The following SLC4A9 variants were observed in gnomAD, a reference collection of about 807,000 sequenced individuals.
SLC4A9 encodes anion exchange protein 4.
A neutral mutation model predicts 103.2 loss-of-function variants in SLC4A9; 102 were observed. The ratio of observed to expected loss-of-function variants is 0.99; its 90% CI spans 0.84 to 1.17. The LOEUF is 1.17. Ranked by LOEUF, SLC4A9 falls within the 50% of genes most tolerant of loss-of-function variation. The pLI, the probability that SLC4A9 is intolerant of heterozygous loss-of-function variation, is 0.00. For synonymous variants in SLC4A9, 453 were observed against 483.6 expected, an observed-to-expected ratio of 0.94 and a Z score of 0.83; for missense variants, 1,091 against 1,193.7, an observed-to-expected ratio of 0.91 and a Z score of 1.27.
chr5:140,371,143 G>GC lies in SLC4A9; in HGVS notation c.2477dup (p.Ala827SerfsTer9). 1 of 1,611,192 alleles carries GC rather than the reference G, an allele frequency of 6.2e-7. No homozygotes were observed. The highest frequency in any genetic ancestry group is 8.5e-7 in the Non-Finnish European group (1 of 1,178,628). The stretch of plus-strand genomic sequence containing the variant: ...TGGCATCTTCCTGTATATGGGGGTG[G>GC]CAGCGCTCAGCAGCATTCAGGTGAG... On this transcript the variant is annotated frameshift_variant, in exon 18 of 22. Coordinates refer to ENST00000506757, the MANE Select transcript of SLC4A9 (RefSeq NM_031467.3). LOFTEE classifies it high-confidence loss of function.
chr5:140,368,761 G>A, intron 17 of SLC4A9, 102 bp downstream of exon 17: 1 of 972,082 alleles, frequency 1.0e-6, no homozygotes, highest in South Asian at 1.7e-5. Flanking sequence ...CAGGTGCTCT[G>A]TTAAGTTTTC....
intron 14 of SLC4A9, among the ~76,000 whole-genome samples, chr5:140,366,911 T>C (rs1767973853): frequency 6.6e-6 from 1 of 152,192 alleles, no homozygotes; most frequent in African/African-American, 2.4e-5. Context: ...GCCTTTGCAT[T>C]TGGAGACCTC....
rs756557165 is a variant in SLC4A9, at chr5:140,363,747, C to T, written c.1099C>T (p.Gln367Ter). 6.2e-7 allele frequency: 1 copy of T among 1,613,766 alleles called. No homozygotes were observed. The highest frequency in any genetic ancestry group is 8.5e-7 in the Non-Finnish European group (1 of 1,179,828). ...CGGGAGGCTGTTTGGGGGCCTTATC[C>T]AGGACGTGCGCAGGAAGGTCCCGTG... ...RTGRLFGGLI[Q>*]DVRRKVPWYP... The change falls in exon 9 of 22, where the codon CAG (glutamine) becomes TAG (stop). Residue 367 changes from glutamine to a stop codon, truncating the protein, a stop_gained. Coordinates refer to ENST00000506757, the MANE Select transcript of SLC4A9 (RefSeq NM_031467.3). LOFTEE classifies it high-confidence loss of function. The surrounding 1 kb of genome is among the most constrained non-coding windows in gnomAD (Gnocchi z 4.5).
At chr5:140,367,374 T>C in intron 14 of SLC4A9, 46 bp from the exon 15 acceptor site, 1 of 1,591,100 alleles carries the variant, frequency 6.3e-7, no homozygotes, top group Non-Finnish European at 8.5e-7. Context: ...GGTGAGATGC[T>C]CTTGGGAGAC....
Position 140,363,718 on chromosome 5 carries a change from C to T in SLC4A9, c.1080-10C>T, listed in dbSNP as rs769662965. ...GAAAACCTGGATCACTGACGACCCT[C>T]GGGCGGGAGGCTGTTTGGGGGCCTT... On this transcript the variant is annotated splice_polypyrimidine_tract_variant and intron_variant, in intron 8 of 21. Coordinates refer to ENST00000506757, the MANE Select transcript of SLC4A9 (RefSeq NM_031467.3). This position sits in a 1 kb window ranked among gnomAD's most constrained non-coding sequence, Gnocchi z 4.5. 1.9e-6 allele frequency: 3 copies of T among 1,612,820 alleles called. No individual in the cohort carries two copies. Among genetic ancestry groups the T allele is most frequent in the South Asian group, 2.2e-5 (2 of 90,996 alleles).
At position 140,361,288 on chromosome 5, in the gene SLC4A9, G is replaced by T; in HGVS notation, c.426G>T (p.Glu142Asp). The T allele has an allele frequency of 6.4e-7, 1 of 1,571,806 alleles. No homozygotes were observed. ...QVTRVESLSPELRGQLQALLL... is the reference protein window; with the variant it reads ...QVTRVESLSPDLRGQLQALLL... ...CCAGGGTGGAGTCGCTGAGCCCAGAGCTGAGAGGGCAGTTGCAGGCCTTGC... is the reference window on the plus strand; with the variant it reads ...CCAGGGTGGAGTCGCTGAGCCCAGATCTGAGAGGGCAGTTGCAGGCCTTGC... Residue 142 changes from glutamate (E) to aspartate (D), a missense_variant, in exon 3 of 22, where the codon GAG (glutamate) becomes GAT (aspartate). Transcript: ENST00000506757.
Position 140,360,961 on chromosome 5 carries a change from T to C in SLC4A9, c.380T>C (p.Leu127Pro). Residue 127 changes from leucine to proline, a missense_variant, in exon 2 of 22, where the codon CTG becomes CCG. Leu to Pro is a moderately conservative substitution (Grantham distance 98, BLOSUM62 -3). Coordinates refer to ENST00000506757, the MANE Select transcript of SLC4A9 (RefSeq NM_031467.3). ...CTGGACTGCCCAGCTCAGAGCCTCC[T>C]GGAGCTCGTGGGTAGGCTGGGATCC... Reference protein sequence around the residue: ...VLLDCPAQSLLELVEQVTRVE... With the variant: ...VLLDCPAQSLPELVEQVTRVE... The C allele has an allele frequency of 1.3e-6, 2 of 1,581,514 alleles. No homozygotes were observed. Among genetic ancestry groups the C allele is most frequent in the Non-Finnish European group, 1.7e-6 (2 of 1,163,442 alleles).
At position 140,371,554 on chromosome 5, in the gene SLC4A9, T is replaced by C. The variant is rs780166068; in HGVS notation, c.2600T>C (p.Ile867Thr). The part of the protein sequence containing the change: ...PLTRVHLFTA[I>T]QLACLGLLWI... ...ACCAGGGTCCACCTCTTCACAGCCA[T>C]CCAGCTTGCCTGTCTGGGGCTGCTT... The change falls in exon 19 of 22, where the codon ATC becomes ACC. Residue 867 changes from isoleucine to threonine, a missense_variant. Physicochemically the swap from Ile to Thr is moderately conservative, Grantham distance 89 (BLOSUM62 -1). Coordinates refer to ENST00000506757, the MANE Select transcript of SLC4A9 (RefSeq NM_031467.3). 6.2e-7 allele frequency: 1 copy of C among 1,614,044 alleles called. No homozygotes were observed. Among genetic ancestry groups the C allele is most frequent in the Non-Finnish European group, 8.5e-7 (1 of 1,179,894 alleles).
chr5:140,364,401 T>C lies in SLC4A9; in HGVS notation c.1427T>C (p.Val476Ala). Reference protein sequence around the residue: ...SLDYLPFRLWVGIWVATFCLV... With the variant: ...SLDYLPFRLWAGIWVATFCLV... ...GACTACCTGCCCTTCCGCCTATGGG[T>C]GGGCATCTGGGTGGCTACCTTTTGC... Residue 476 changes from valine to alanine, a missense_variant, in exon 11 of 22, where the codon GTG becomes GCG. By Grantham distance (64) the Val-to-Ala change is moderately conservative. Transcript: ENST00000506757. 6.2e-7 allele frequency: 1 copy of C among 1,613,510 alleles called. No individual in the cohort carries two copies. The highest frequency in any genetic ancestry group is 8.5e-7 in the Non-Finnish European group (1 of 1,179,852).
Position 140,361,350 on chromosome 5 carries a change from G to T in SLC4A9, c.488G>T (p.Gly163Val). The part of the protein sequence containing the change: ...QRPQHYNQTT[G>V]TRPCWGSTHP... Reference sequence around the variant, plus strand: ...CCCCAGCATTACAACCAGACCACAGGCACCAGGCCCTGCTGGGGTGAGAGC... The same window carrying T: ...CCCCAGCATTACAACCAGACCACAGTCACCAGGCCCTGCTGGGGTGAGAGC... The change falls in exon 3 of 22, where the codon GGC (glycine) becomes GTC (valine). Residue 163 changes from glycine (G) to valine (V), a missense_variant. Coordinates refer to ENST00000506757, the MANE Select transcript of SLC4A9 (RefSeq NM_031467.3). The T allele has an allele frequency of 6.4e-7, 1 of 1,558,218 alleles. No homozygotes were observed. The highest frequency in any genetic ancestry group is 8.7e-7 in the Non-Finnish European group (1 of 1,150,790).
chr5:140,362,604 A>C (rs991299752), intron 6 of SLC4A9, 72 bp downstream of exon 6: 2 of 1,411,784 alleles, frequency 1.4e-6, no homozygotes. Flanking sequence ...ACATGCATAC[A>C]TGCATGGGCT....
chr5:140,362,671 C>A, intron 6 of SLC4A9, 139 bp downstream of exon 6: 1 of 1,024,522 alleles, frequency 9.8e-7, no homozygotes, highest in Non-Finnish European at 1.5e-6. Flanking sequence ...CAATGAGGCA[C>A]AGTGAGCACT....
At chr5:140,366,719 A>C (rs1767943928) in intron 14 of SLC4A9, among the ~76,000 whole-genome samples, 1 of 152,220 alleles carries the variant, frequency 6.6e-6, no homozygotes, top group Non-Finnish European at 1.5e-5. Context: ...CCAAGTCCTC[A>C]ATAAATGTTA....
At position 140,362,922 on chromosome 5, in the gene SLC4A9, GGTCAGTTC is replaced by G. The variant is rs1207588799; in HGVS notation, c.822_829del (p.Val275GlyfsTer6). 6.2e-7 allele frequency: 1 copy of G among 1,613,952 alleles called. No homozygotes were observed. Among genetic ancestry groups the G allele is most frequent in the South Asian group, 1.1e-5 (1 of 91,082 alleles). On this transcript the variant is annotated frameshift_variant, in exon 7 of 22. Coordinates refer to ENST00000506757, the MANE Select transcript of SLC4A9 (RefSeq NM_031467.3). LOFTEE classifies it high-confidence loss of function. ...TGCCCCCATTCCCAGCAATTCCAGT[GGTCAGTTC>G]GTCGGGCCAGCAACCTTCATGACCT...
chr5:140,371,050 GT>G, intron 17 of SLC4A9, 44 bp from the exon 18 acceptor site: 1 of 1,568,642 alleles, frequency 6.4e-7, no homozygotes, highest in Non-Finnish European at 8.7e-7. Flanking sequence ...CATCTGGGAG[GT>G]TGGCAGAGGT....
intron 14 of SLC4A9, among the ~76,000 whole-genome samples, chr5:140,366,743 C>T (rs924989755): frequency 6.6e-6 from 1 of 152,216 alleles, no homozygotes; most frequent in Non-Finnish European, 1.5e-5. Flanking sequence ...ATTATTGTTA[C>T]GGGATTGCCC....
At chr5:140,370,426 C>T (rs897322475) in intron 17 of SLC4A9, among the ~76,000 whole-genome samples, 2 of 147,520 alleles carry the variant, frequency 1.4e-5, no homozygotes, top group Non-Finnish European at 3.0e-5. Context: ...GATCAAGCCA[C>T]ATCACTCCAG....
intron 14 of SLC4A9, 59 bp downstream of exon 14, chr5:140,366,323 G>A (rs1561601659): frequency 4.9e-6 from 6 of 1,218,818 alleles, no homozygotes; most frequent in Non-Finnish European, 6.9e-6. Context: ...AGCAGACCAT[G>A]GGGAAGGAAA....
At chr5:140,370,039 A>G (rs1005704470) in intron 17 of SLC4A9, among the ~76,000 whole-genome samples, 3 of 152,092 alleles carry the variant, frequency 2.0e-5, no homozygotes, top group Admixed American at 2.0e-4. Context: ...AAAAAACAGA[A>G]AACCCTAAAC....
Sources: gnomAD v4.1 joint callset for allele counts (sites outside exome capture counted in the v4.1 genomes callset) on GRCh38, gnomAD v4.1.1 for gene constraint, Gnocchi (gnomAD v3.1) non-coding constraint, MANE v1.5 for transcripts, NCBI Gene and HGNC (gene_info 2026-07-23, HGNC 2026-07-21) for gene names.